NOD2: variants seen among roughly 807,000 people sequenced by gnomAD.
NOD2 encodes the protein nucleotide binding oligomerization domain containing 2, also known as nucleotide-binding oligomerization domain-containing protein 2.
Under a neutral mutation model 90.9 loss-of-function variants are expected in NOD2, and 86 were observed. That is an observed-to-expected ratio of 0.95 (90% confidence interval 0.79 to 1.13). The LOEUF (loss-of-function observed/expected upper bound fraction) is 1.13, where lower values mean the gene tolerates loss of function less well. Ranked by LOEUF, NOD2 falls within the 50% of genes most tolerant of loss-of-function variation. The pLI, the probability that NOD2 is intolerant of heterozygous loss-of-function variation, is 0.00. For synonymous variants in NOD2, 581 were observed against 554.6 expected, an observed-to-expected ratio of 1.05 and a Z score of -0.67; for missense variants, 1,238 against 1,283.8, an observed-to-expected ratio of 0.96 and a Z score of 0.55.
intron 7 of NOD2, 125 bp downstream of exon 7, chr16:50,720,133 G>C: frequency 1.2e-6 from 1 of 800,856 alleles, no homozygotes; most frequent in Non-Finnish European, 2.1e-6. Flanking sequence ...GGGAGGACAA[G>C]CCAGGGAGAG....
chr16:50,716,383 A>G (rs1458764417), intron 4 of NOD2, among the ~76,000 whole-genome samples: 1 of 152,146 alleles, frequency 6.6e-6, no homozygotes, highest in Non-Finnish European at 1.5e-5. Context: ...GTCCTGGGCC[A>G]TCCCCATCAT....
rs949625126 is a variant in NOD2 at position 50,728,070 on chromosome 16, A to T, written c.2886-1748A>T. 1.3e-5 allele frequency: 3 copies of T among 227,530 alleles called. No individual in the cohort carries two copies. The Admixed American group carries it at 1.5e-4, about 11-fold the overall frequency. The allele number at this position is 227,530 out of a possible 1,614,324, so 14.1% of individuals were successfully genotyped here. A position where few individuals can be genotyped will look rare whatever the true frequency, so the allele number is the denominator to read the frequency against. ...TAAGAGAAGATGACACTTCAAAATG[A>T]CGATTTTCTTGGTTTTCACTCAGCT... On this transcript the variant is annotated intron_variant, in intron 10 of 11. Coordinates refer to ENST00000647318, the MANE Select transcript of NOD2 (RefSeq NM_001370466.1).
intron 7 of NOD2, among the ~76,000 whole-genome samples, chr16:50,720,517 G>C (rs1480331301): frequency 6.6e-6 from 1 of 152,154 alleles, no homozygotes; most frequent in Non-Finnish European, 1.5e-5. Flanking sequence ...AGGTCCCTCG[G>C]AGCTCTTGCT....
intron 2 of NOD2, among the ~76,000 whole-genome samples, chr16:50,703,832 G>T (rs963963312): frequency 1.3e-5 from 2 of 152,092 alleles, no homozygotes; most frequent in African/African-American, 4.8e-5. Context: ...GAAGTCAGTC[G>T]GCAATGCCAT....
At chr16:50,697,661 G>GTGCCCACATCTAA in intron 1 of NOD2, 1 of 382,870 alleles carries the variant, frequency 2.6e-6, no homozygotes, top group Non-Finnish European at 5.0e-6. Flanking sequence ...AGAACTCCTT[G>GTGCCCACATCTAA]GCCTGAGAGA....
At chr16:50,714,154 T>A (rs1964671739) in intron 4 of NOD2, among the ~76,000 whole-genome samples, 1 of 152,174 alleles carries the variant, frequency 6.6e-6, no homozygotes, top group South Asian at 2.1e-4. Flanking sequence ...CATAGGCCAG[T>A]CCATCTCTGG....
chr16:50,704,800 G>A (rs1002117703), intron 2 of NOD2, among the ~76,000 whole-genome samples: 1 of 152,158 alleles, frequency 6.6e-6, no homozygotes, highest in Non-Finnish European at 1.5e-5. Flanking sequence ...TTAAAGGCGT[G>A]AGCCACCACA....
chr16:50,721,737 C>G (rs558784077), intron 7 of NOD2, among the ~76,000 whole-genome samples: 1 of 152,308 alleles, frequency 6.6e-6, no homozygotes, highest in African/African-American at 2.4e-5. Context: ...AGGTGATCCT[C>G]CCTCCTTTGC....
intron 2 of NOD2, among the ~76,000 whole-genome samples, chr16:50,706,520 G>A (rs1964199263): frequency 6.6e-6 from 1 of 152,088 alleles, no homozygotes; most frequent in Non-Finnish European, 1.5e-5. Context: ...GAGGAGGATG[G>A]TATAGAGGAG....
intron 10 of NOD2, chr16:50,727,971 C>T: frequency 3.8e-6 from 1 of 262,256 alleles, no homozygotes; most frequent in Non-Finnish European, 7.7e-6. Context: ...CTAGTCATTG[C>T]CAGTTGTATA....
At chr16:50,708,112 G>T in intron 3 of NOD2, 152 bp downstream of exon 3, 1 of 690,976 alleles carries the variant, frequency 1.4e-6, no homozygotes, top group African/African-American at 1.8e-5. Flanking sequence ...GCACCACCCC[G>T]TCTCATTGGG....
intron 10 of NOD2, among the ~76,000 whole-genome samples, chr16:50,727,138 CA>C (rs1184511634): frequency 0.31 from 26,775 of 86,766 alleles, 2,462 homozygotes; most frequent in Middle Eastern, 0.43. Context: ...ACTTCCATCT[CA>C]AAAAAAAAAA....
intron 10 of NOD2, among the ~76,000 whole-genome samples, chr16:50,728,822 G>C (rs922119759): frequency 5.9e-5 from 9 of 152,134 alleles, no homozygotes; most frequent in Admixed American, 5.2e-4. Flanking sequence ...TCCCCTCCCT[G>C]TTGTCAGCTA....
intron 7 of NOD2, among the ~76,000 whole-genome samples, chr16:50,721,095 G>A (rs1231778709): frequency 6.6e-6 from 1 of 151,854 alleles, no homozygotes; most frequent in East Asian, 1.9e-4. Flanking sequence ...GTGAGCCACC[G>A]CACCCGGCCC....
chr16:50,697,211 G>T (rs1169420473), intron 1 of NOD2: 1 of 1,543,172 alleles, frequency 6.5e-7, no homozygotes, highest in Non-Finnish European at 8.8e-7. Flanking sequence ...ACCCGCAGAT[G>T]CCATGCCTGC....
intron 1 of NOD2, among the ~76,000 whole-genome samples, chr16:50,698,655 C>T (rs1364003401): frequency 6.6e-6 from 1 of 152,164 alleles, no homozygotes; most frequent in African/African-American, 2.4e-5. Context: ...TGTGACACAT[C>T]GTACAAATCA....
At chr16:50,700,038 C>A (rs753909114) in intron 2 of NOD2, 84 bp downstream of exon 2, 1 of 1,330,198 alleles carries the variant, frequency 7.5e-7, no homozygotes, top group Middle Eastern at 2.1e-4. Context: ...ATGAAGTCAG[C>A]CTGTGGGGTA....
chr16:50,719,880 T>A, intron 6 of NOD2, 45 bp from the exon 7 acceptor site: 12 of 1,569,502 alleles, frequency 7.6e-6, no homozygotes, highest in Non-Finnish European at 1.1e-5. Flanking sequence ...CCTCCTTTTC[T>A]GCCTGCCGCT....
At chr16:50,700,104 T>C in intron 2 of NOD2, 150 bp downstream of exon 2, 1 of 700,882 alleles carries the variant, frequency 1.4e-6, no homozygotes, top group South Asian at 1.6e-5. Context: ...AATTTGCTCT[T>C]GACTCTTGGC....
Sources: gnomAD v4.1 joint callset for allele counts (sites outside exome capture counted in the v4.1 genomes callset) on GRCh38, gnomAD v4.1.1 for gene constraint, MANE v1.5 for transcripts, NCBI Gene and HGNC (gene_info 2026-07-23, HGNC 2026-07-21) for gene names.